The following ZFHX3 variants were observed in gnomAD, a reference collection of about 807,000 sequenced individuals.
ZFHX3 encodes the protein zinc finger homeobox 3.
ZFHX3 carries 42 observed loss-of-function variants against 279.1 expected under a neutral mutation model. The observed-to-expected ratio is 0.15, with a 90% CI of 0.12 to 0.19. The LOEUF (loss-of-function observed/expected upper bound fraction) is 0.19, where lower values mean the gene tolerates loss of function less well. Ranked by LOEUF, ZFHX3 falls within the 10% of genes least tolerant of loss-of-function variation. The pLI, the probability that ZFHX3 is intolerant of heterozygous loss-of-function variation, is 1.00. For synonymous variants in ZFHX3, 2,293 were observed against 1,957.8 expected (o/e 1.17, Z -4.52); for missense variants, 4,981 against 4,754.0 (o/e 1.05, Z -1.40).
At chr16:72,966,868 A>G (rs751383754) in intron 1 of ZFHX3, among the ~76,000 whole-genome samples, 8 of 152,360 alleles carry the variant, frequency 5.3e-5, no homozygotes, top group Non-Finnish European at 1.2e-4. Context: ...AGATTATCAC[A>G]GTTCCCAAAT....
intron 7 of ZFHX3, among the ~76,000 whole-genome samples, chr16:73,124,092 T>C (rs754230679): frequency 9.9e-5 from 15 of 152,166 alleles, no homozygotes; most frequent in Non-Finnish European, 8.8e-5. Flanking sequence ...GGAAAATCCA[T>C]GTAGAAATAA....
intron 1 of ZFHX3, among the ~76,000 whole-genome samples, chr16:73,694,663 T>C (rs2053179344): frequency 6.6e-6 from 1 of 152,170 alleles, no homozygotes. Context: ...TTAAAAAACA[T>C]GTGTTTTCAG....
intron 5 of ZFHX3, among the ~76,000 whole-genome samples, chr16:73,146,172 A>G (rs1416772419): frequency 6.6e-6 from 1 of 152,204 alleles, no homozygotes; most frequent in Admixed American, 6.5e-5. Context: ...ACTCACGCCT[A>G]GAATCCCAGC....
At chr16:73,251,748 T>C (rs865859474) in intron 5 of ZFHX3, among the ~76,000 whole-genome samples, 33 of 82,778 alleles carry the variant, frequency 4.0e-4, no homozygotes, top group Admixed American at 1.2e-3. Flanking sequence ...CACACACACA[T>C]ACACACCACA....
intron 1 of ZFHX3, among the ~76,000 whole-genome samples, chr16:73,840,297 G>C (rs936111307): frequency 6.6e-6 from 1 of 152,026 alleles, no homozygotes; most frequent in Non-Finnish European, 1.5e-5. Flanking sequence ...CTGCTAAAAG[G>C]CCCCCTTTTC....
chr16:73,857,898 G>C (rs1412424261), intron 1 of ZFHX3, among the ~76,000 whole-genome samples: 3 of 152,116 alleles, frequency 2.0e-5, no homozygotes, highest in African/African-American at 7.2e-5. Flanking sequence ...CTTGAGGTCA[G>C]GAGTTTGAGA....
At chr16:73,418,414 G>T (rs1326491000) in intron 3 of ZFHX3, among the ~76,000 whole-genome samples, 1 of 152,226 alleles carries the variant, frequency 6.6e-6, no homozygotes, top group Non-Finnish European at 1.5e-5. Context: ...ATGAGAAGTG[G>T]GTACCCAGGG....
intron 1 of ZFHX3, among the ~76,000 whole-genome samples, chr16:73,682,043 TAACAA>T (rs1304084221): frequency 6.6e-6 from 1 of 152,148 alleles, no homozygotes; most frequent in East Asian, 1.9e-4. Flanking sequence ...AATGGATGCT[TAACAA>T]ATAAAGGCTG....
intron 2 of ZFHX3, among the ~76,000 whole-genome samples, chr16:73,631,512 G>A (rs936103132): frequency 6.6e-6 from 1 of 152,048 alleles, no homozygotes; most frequent in Non-Finnish European, 1.5e-5. Flanking sequence ...GCACACAATT[G>A]GGGTTAGATG....
At chr16:72,948,605 C>T (rs746803390) in intron 3 of ZFHX3, among the ~76,000 whole-genome samples, 1 of 152,152 alleles carries the variant, frequency 6.6e-6, no homozygotes, top group South Asian at 2.1e-4. Context: ...ATTCAAGACT[C>T]CAGCCGCACG....
chr16:73,648,474 C>T (rs976146470), intron 2 of ZFHX3, among the ~76,000 whole-genome samples: 2 of 152,332 alleles, frequency 1.3e-5, no homozygotes, highest in African/African-American at 4.8e-5. Context: ...ACTGCAACCT[C>T]GGCCTCCTGG....
chr16:73,760,332 G>A (rs2053851495), intron 1 of ZFHX3, among the ~76,000 whole-genome samples: 1 of 152,132 alleles, frequency 6.6e-6, no homozygotes, highest in African/African-American at 2.4e-5. Context: ...GGACCAGACG[G>A]ATTTACAGCT....
chr16:73,742,549 T>G (rs372867856), intron 1 of ZFHX3, among the ~76,000 whole-genome samples: 18 of 152,302 alleles, frequency 1.2e-4, no homozygotes, highest in African/African-American at 4.1e-4. Flanking sequence ...TAGTGACACA[T>G]AAAAATTACA....
chr16:73,760,896 T>C lies in ZFHX3; in HGVS notation c.-1607-80656A>G, dbSNP rs187205906. Among the ~76,000 whole-genome samples the C allele has an allele frequency of 6.7e-3, 1,017 of 151,986 alleles. 16 individuals carry two copies. Among genetic ancestry groups the C allele is most frequent in the Middle Eastern group, 0.01 (3 of 294 alleles). ...ACTAAATGGGCAAAAGCTGGAAGCA[T>C]TCCCCTTGAAAACTGCCACAAGACA... On this transcript the variant is annotated intron_variant, in intron 1 of 17. Coordinates refer to the ZFHX3 transcript ENST00000641206.
At chr16:73,863,680 A>G (rs1181066931) in intron 1 of ZFHX3, among the ~76,000 whole-genome samples, 2 of 152,212 alleles carry the variant, frequency 1.3e-5, no homozygotes, top group Admixed American at 6.5e-5. Flanking sequence ...TCATGTGTGC[A>G]TATACCTTAG....
intron 1 of ZFHX3, among the ~76,000 whole-genome samples, chr16:73,683,262 C>T (rs2142198496): frequency 6.6e-6 from 1 of 152,274 alleles, no homozygotes; most frequent in East Asian, 1.9e-4. Context: ...GTTCACTTCC[C>T]TCTGAGATTT....
intron 4 of ZFHX3, among the ~76,000 whole-genome samples, chr16:73,317,396 G>T (rs1341622520): frequency 2.0e-4 from 30 of 152,114 alleles, no homozygotes; most frequent in Admixed American, 2.0e-3. Context: ...CCATCGCTGG[G>T]CCCTTCCCCC....
chr16:73,268,337 G>T (rs1226962844), intron 4 of ZFHX3, among the ~76,000 whole-genome samples: 1 of 152,210 alleles, frequency 6.6e-6, no homozygotes, highest in East Asian at 1.9e-4. Flanking sequence ...AACTCTATAT[G>T]AATCTGAAGA....
chr16:73,726,887 G>T (rs189710714), intron 1 of ZFHX3, among the ~76,000 whole-genome samples: 42 of 152,242 alleles, frequency 2.8e-4, no homozygotes, highest in African/African-American at 9.4e-4. Context: ...TGCATCCTGG[G>T]TCTCTACCCA....
Sources: allele counts gnomAD v4.1 joint callset (sites outside exome capture counted in the v4.1 genomes callset), GRCh38; gene constraint gnomAD v4.1.1; transcripts MANE v1.5; gene names NCBI Gene and HGNC (gene_info 2026-07-23, HGNC 2026-07-21).